CADM2: variants seen among roughly 807,000 people sequenced by gnomAD.
The protein encoded by CADM2 is cell adhesion molecule 2.
In CADM2, 12 loss-of-function variants were observed where a neutral mutation model predicts 49.8. The observed-to-expected ratio is 0.24, with a 90% CI of 0.15 to 0.39. CADM2 has a LOEUF of 0.39. CADM2 is among the 10% of genes least tolerant of loss of function. The probability of loss-of-function intolerance (pLI) is 1.00; values close to 1 mark genes in which losing one functional copy is unlikely to be tolerated. For synonymous variants in CADM2, 214 were observed against 175.4 expected (o/e 1.22, Z -1.74); for missense variants, 378 against 492.3 (o/e 0.77, Z 2.20).
chr3:85,969,980 TATATATACACTC>T (rs771514710), intron 8 of CADM2, among the ~76,000 whole-genome samples: 2 of 67,688 alleles, frequency 3.0e-5, no homozygotes, highest in Non-Finnish European at 2.4e-5. Flanking sequence ...AGTGTATATA[TATATATACACTC>T]ATACACTCAC....
At chr3:85,277,792 T>C (rs1363140997) in intron 1 of CADM2, among the ~76,000 whole-genome samples, 2 of 150,816 alleles carry the variant, frequency 1.3e-5, no homozygotes, top group African/African-American at 4.8e-5. Flanking sequence ...AAACAATTCT[T>C]GATAAAATAT....
chr3:85,649,764 T>C (rs955533582), intron 1 of CADM2, among the ~76,000 whole-genome samples: 4 of 152,190 alleles, frequency 2.6e-5, no homozygotes, highest in Non-Finnish European at 5.9e-5. Context: ...GCTTTGTGTC[T>C]CATGGTTTGA....
chr3:85,870,577 T>G (rs1209972082), intron 3 of CADM2, among the ~76,000 whole-genome samples: 1 of 152,214 alleles, frequency 6.6e-6, no homozygotes, highest in African/African-American at 2.4e-5. Flanking sequence ...GCAAAGGACA[T>G]GATCTTCTTT....
chr3:85,270,392 A>G (rs991117881), intron 1 of CADM2, among the ~76,000 whole-genome samples: 1 of 151,410 alleles, frequency 6.6e-6, no homozygotes, highest in Non-Finnish European at 1.5e-5. Flanking sequence ...TTCTAGATGT[A>G]TAGCATAGTC....
chr3:85,571,937 T>C (rs1176042683), intron 1 of CADM2, among the ~76,000 whole-genome samples: 3 of 152,198 alleles, frequency 2.0e-5, no homozygotes, highest in Non-Finnish European at 4.4e-5. Flanking sequence ...GTTAAAAATA[T>C]GACCAACTTC....
chr3:85,815,527 C>A (rs887322277), intron 3 of CADM2, among the ~76,000 whole-genome samples: 3 of 152,102 alleles, frequency 2.0e-5, no homozygotes, highest in Non-Finnish European at 4.4e-5. Context: ...CAAAAAAGGT[C>A]TTTGACAAAA....
At chr3:85,524,952 G>A (rs1001108849) in intron 1 of CADM2, among the ~76,000 whole-genome samples, 6 of 152,004 alleles carry the variant, frequency 3.9e-5, no homozygotes, top group African/African-American at 1.4e-4. Flanking sequence ...TATTGATATA[G>A]TTACTTCATG....
At chr3:85,610,853 G>A (rs934347084) in intron 1 of CADM2, among the ~76,000 whole-genome samples, 1 of 151,830 alleles carries the variant, frequency 6.6e-6, no homozygotes. Context: ...TTTTTGAACA[G>A]AACAACTTGA....
intron 8 of CADM2, among the ~76,000 whole-genome samples, chr3:86,033,654 T>TTATA (rs1734803966): frequency 7.1e-6 from 1 of 140,410 alleles, no homozygotes; most frequent in African/African-American, 2.5e-5. Flanking sequence ...TCCACTTCAT[T>TTATA]TCAAGTTTAT....
At chr3:85,377,416 T>C (rs2033657110) in intron 1 of CADM2, among the ~76,000 whole-genome samples, 1 of 152,076 alleles carries the variant, frequency 6.6e-6, no homozygotes, top group Non-Finnish European at 1.5e-5. Context: ...AGCTTTCTGA[T>C]TTAAATTCAT....
chr3:85,074,456 T>G (rs1474488136), intron 1 of CADM2, among the ~76,000 whole-genome samples: 2 of 152,130 alleles, frequency 1.3e-5, no homozygotes, highest in African/African-American at 4.8e-5. Context: ...TCTCCCTCCC[T>G]TATGTTGTTT....
chr3:85,386,188 A>G (rs1576461599), intron 1 of CADM2, among the ~76,000 whole-genome samples: 1 of 152,284 alleles, frequency 6.6e-6, no homozygotes, highest in Non-Finnish European at 1.5e-5. Flanking sequence ...ATACCTGTGT[A>G]TAAATTCAAG....
At position 85,704,872 on chromosome 3, in the gene CADM2, T is replaced by TA. The variant is rs1559603670; in HGVS notation, c.62-21650_62-21649insA. 5.3e-4 allele frequency among the ~76,000 whole-genome samples: 79 copies of TA among 150,260 alleles called. 2 individuals carry two copies. The highest frequency in any genetic ancestry group is 4.2e-4 in the South Asian group (2 of 4,780). On this transcript the variant is annotated intron_variant, in intron 1 of 9. Coordinates refer to ENST00000383699, the MANE Select transcript of CADM2 (RefSeq NM_001167675.2). ...TTTATTTATTATTATTATTATTTTT[T>TA]TTTTTTGATGGAGTCTCGCTCTGTC... is the stretch of plus-strand genomic sequence containing the variant.
intron 2 of CADM2, among the ~76,000 whole-genome samples, chr3:85,800,583 G>A (rs2071951541): frequency 6.6e-6 from 1 of 152,180 alleles, no homozygotes. Flanking sequence ...AAAGACCATG[G>A]GAAAAGCATA....
At chr3:85,879,888 A>G (rs1712483384) in intron 3 of CADM2, among the ~76,000 whole-genome samples, 1 of 152,130 alleles carries the variant, frequency 6.6e-6, no homozygotes, top group South Asian at 2.1e-4. Flanking sequence ...TTAGTTCTAG[A>G]CAATGTTGTT....
intron 1 of CADM2, among the ~76,000 whole-genome samples, chr3:85,140,128 G>A (rs1378721684): frequency 6.6e-6 from 1 of 152,092 alleles, no homozygotes; most frequent in East Asian, 1.9e-4. Context: ...TAAAAGATGG[G>A]CTCAGTCATC....
intron 8 of CADM2, among the ~76,000 whole-genome samples, chr3:85,983,743 T>C (rs910315112): frequency 6.6e-6 from 1 of 151,796 alleles, no homozygotes; most frequent in Non-Finnish European, 1.5e-5. Flanking sequence ...AAACATTAGA[T>C]GAAAATTATA....
At chr3:85,748,508 C>T (rs563854579) in intron 2 of CADM2, among the ~76,000 whole-genome samples, 3 of 152,194 alleles carry the variant, frequency 2.0e-5, no homozygotes, top group East Asian at 1.9e-4. Context: ...TGAACGCTCA[C>T]TTATCTGAGT....
chr3:85,987,356 T>C (rs759646729), intron 8 of CADM2, among the ~76,000 whole-genome samples: 1 of 151,860 alleles, frequency 6.6e-6, no homozygotes, highest in Admixed American at 6.6e-5. Flanking sequence ...ATCTTCATTC[T>C]ATTAGCTTTC....
Sources: gnomAD v4.1 joint callset for allele counts (sites outside exome capture counted in the v4.1 genomes callset) on GRCh38, gnomAD v4.1.1 for gene constraint, MANE v1.5 for transcripts, NCBI Gene and HGNC (gene_info 2026-07-23, HGNC 2026-07-21) for gene names.